The following TRPM3 variants were observed in gnomAD, a reference collection of about 807,000 sequenced individuals.
TRPM3 encodes transient receptor potential cation channel subfamily M member 3, also known as long transient receptor potential channel 3.
Under a neutral mutation model 181.2 loss-of-function variants are expected in TRPM3, and 77 were observed. That is an observed-to-expected ratio of 0.42 (90% CI 0.35 to 0.51). TRPM3 has a LOEUF of 0.51. Ranked by LOEUF, TRPM3 falls within the 20% of genes least tolerant of loss-of-function variation. TRPM3 has a pLI of 0.01. For missense variants in TRPM3, 1,759 were observed against 2,196.7 expected (o/e 0.80, Z 3.98); for synonymous variants, 745 against 796.4 (o/e 0.94, Z 1.09).
chr9:71,133,068 T>C (rs944872728), intron 1 of TRPM3, among the ~76,000 whole-genome samples: 4 of 152,118 alleles, frequency 2.6e-5, no homozygotes, highest in Non-Finnish European at 5.9e-5. Context: ...TCTTGATAGT[T>C]ATTTCCAAAT....
intron 12 of TRPM3, among the ~76,000 whole-genome samples, chr9:70,629,119 C>G (rs559803974): frequency 6.7e-6 from 1 of 148,156 alleles, no homozygotes; most frequent in East Asian, 2.0e-4. Flanking sequence ...GGCAAGCAAG[C>G]AGGTGCTGGG....
At chr9:70,828,780 C>T (rs980208961) in intron 5 of TRPM3, among the ~76,000 whole-genome samples, 10 of 148,250 alleles carry the variant, frequency 6.7e-5, no homozygotes, top group African/African-American at 2.2e-4. Context: ...ATATTCCTTG[C>T]GACGATCCTG....
chr9:71,209,020 A>C (rs1221281624), intron 1 of TRPM3, among the ~76,000 whole-genome samples: 1 of 152,192 alleles, frequency 6.6e-6, no homozygotes, highest in Admixed American at 6.5e-5. Flanking sequence ...ATCCAGACAC[A>C]ATGTAAATCA....
intron 1 of TRPM3, among the ~76,000 whole-genome samples, chr9:71,309,369 T>C (rs10781011): frequency 0.7 from 106,458 of 152,028 alleles, 38,243 homozygotes; most frequent in East Asian, 0.78. Context: ...ATGTCTAATA[T>C]TTTTTCCAGA....
At chr9:71,154,441 C>A (rs1030599249) in intron 1 of TRPM3, among the ~76,000 whole-genome samples, 1 of 152,062 alleles carries the variant, frequency 6.6e-6, no homozygotes, top group South Asian at 2.1e-4. Flanking sequence ...TATCTGTAAG[C>A]CCCCTTCACA....
At chr9:71,177,374 A>G (rs957217351) in intron 1 of TRPM3, among the ~76,000 whole-genome samples, 1 of 152,114 alleles carries the variant, frequency 6.6e-6, no homozygotes. Context: ...CCCCTGGTCT[A>G]TGGAAAAATT....
At position 70,669,966 on chromosome 9, in the gene TRPM3, G is replaced by A. The variant is rs1030711050; in HGVS notation, c.1345+11540C>T. Reference sequence around the variant, plus strand: ...TTCCCAGGCTGGTCTCAAAATGCTTGGCTCAAGCTATCTTCCTGCTTTGGC... The same window carrying A: ...TTCCCAGGCTGGTCTCAAAATGCTTAGCTCAAGCTATCTTCCTGCTTTGGC... On this transcript the variant is annotated intron_variant, in intron 9 of 25. Coordinates refer to ENST00000677713, the MANE Select transcript of TRPM3 (RefSeq NM_001366145.2). Among the ~76,000 whole-genome samples the A allele has an allele frequency of 2.0e-5, 3 of 152,054 alleles. No individual in the cohort carries two copies. The East Asian group carries it at 5.8e-4, about 29-fold the overall frequency.
At chr9:70,882,282 G>C (rs1270969396) in intron 1 of TRPM3, among the ~76,000 whole-genome samples, 1 of 152,096 alleles carries the variant, frequency 6.6e-6, no homozygotes, top group Admixed American at 6.6e-5. Context: ...GAGACTCCTA[G>C]GTCTGCCATA....
chr9:70,787,006 G>A (rs1053956646), intron 6 of TRPM3, among the ~76,000 whole-genome samples: 3 of 152,092 alleles, frequency 2.0e-5, no homozygotes, highest in Non-Finnish European at 2.9e-5. Flanking sequence ...CTACAAGACA[G>A]CAGGAAAGAT....
intron 8 of TRPM3, among the ~76,000 whole-genome samples, chr9:70,695,428 C>T (rs946394078): frequency 2.0e-5 from 3 of 152,184 alleles, no homozygotes; most frequent in African/African-American, 4.8e-5. Context: ...CTGTCCCTGG[C>T]GTGTTTCCTG....
chr9:71,161,475 G>A (rs1239979532), intron 1 of TRPM3, among the ~76,000 whole-genome samples: 1 of 152,174 alleles, frequency 6.6e-6, no homozygotes, highest in East Asian at 1.9e-4. Context: ...ACTCCAAGAA[G>A]ATTAAGAAAC....
intron 9 of TRPM3, among the ~76,000 whole-genome samples, chr9:70,642,095 G>C (rs972187189): frequency 6.6e-6 from 1 of 152,196 alleles, no homozygotes; most frequent in Non-Finnish European, 1.5e-5. Context: ...CACGATCGGG[G>C]AGGAGGATAA....
chr9:71,169,589 T>C (rs1437184770), intron 1 of TRPM3, among the ~76,000 whole-genome samples: 5 of 152,120 alleles, frequency 3.3e-5, no homozygotes, highest in South Asian at 2.1e-4. Context: ...TCTTTACTGA[T>C]GTTATTAAAT....
intron 1 of TRPM3, among the ~76,000 whole-genome samples, chr9:71,274,392 G>A (rs113286362): frequency 6.9e-4 from 105 of 152,256 alleles, no homozygotes; most frequent in African/African-American, 2.5e-3. Flanking sequence ...TAATACTATT[G>A]TCCTGTTTTC....
chr9:70,813,151 G>A (rs533993474), intron 6 of TRPM3, among the ~76,000 whole-genome samples: 10 of 152,208 alleles, frequency 6.6e-5, no homozygotes, highest in South Asian at 4.2e-4. Context: ...AAAGCAATGC[G>A]CTAAGTGATG....
intron 1 of TRPM3, among the ~76,000 whole-genome samples, chr9:70,995,089 T>C (rs113711913): frequency 4.3e-4 from 66 of 152,214 alleles, no homozygotes; most frequent in African/African-American, 1.5e-3. Context: ...CTTCTCTCTC[T>C]GGGTGTGTCT....
intron 1 of TRPM3, among the ~76,000 whole-genome samples, chr9:71,319,147 T>C (rs1190694845): frequency 3.9e-5 from 6 of 152,156 alleles, no homozygotes; most frequent in African/African-American, 1.4e-4. Flanking sequence ...CTGAAATTCA[T>C]GGTTATGTCC....
chr9:70,912,355 C>CT (rs1490792586), intron 1 of TRPM3, among the ~76,000 whole-genome samples: 3 of 152,104 alleles, frequency 2.0e-5, no homozygotes, highest in African/African-American at 7.2e-5. Context: ...CAAAACAGCC[C>CT]TTTTATGGAT....
At chr9:71,165,620 C>A (rs2076503308) in intron 1 of TRPM3, among the ~76,000 whole-genome samples, 1 of 152,158 alleles carries the variant, frequency 6.6e-6, no homozygotes, top group Non-Finnish European at 1.5e-5. Context: ...TCCCTGCCCT[C>A]TTTTCCCTCA....
Sources: allele counts gnomAD v4.1 joint callset (sites outside exome capture counted in the v4.1 genomes callset), GRCh38; gene constraint gnomAD v4.1.1; transcripts MANE v1.5; gene names NCBI Gene and HGNC (gene_info 2026-07-23, HGNC 2026-07-21).